Variants in UMAD1 observed in about 807,000 individuals in gnomAD.
The protein encoded by UMAD1 is UBAP1-MVB12-associated (UMA) domain containing 1, also known as UBAP1-MVB12-associated (UMA)-domain containing protein 1.
Under a neutral mutation model 6.1 loss-of-function variants are expected in UMAD1, and 8 were observed. The ratio of observed to expected loss-of-function variants is 1.30; its 90% CI spans 0.76 to 2.35. The LOEUF (loss-of-function observed/expected upper bound fraction) is 2.35. Ranked by LOEUF, UMAD1 falls within the 30% of genes most tolerant of loss-of-function variation. The probability of loss-of-function intolerance (pLI) is 0.00; values close to 1 mark genes in which losing one functional copy is unlikely to be tolerated. For missense variants in UMAD1, 130 were observed against 78.4 expected, an observed-to-expected ratio of 1.66 and a Z score of -2.49; for synonymous variants, 56 against 31.4, an observed-to-expected ratio of 1.78 and a Z score of -2.61.
intron 2 of UMAD1, among the ~76,000 whole-genome samples, chr7:7,794,722 A>T (rs760878262): frequency 6.6e-6 from 1 of 152,200 alleles, no homozygotes; most frequent in East Asian, 1.9e-4. Flanking sequence ...ACCCTAGAAT[A>T]TATTTCCTTG....
At chr7:7,680,148 T>C (rs1428328076) in intron 2 of UMAD1, among the ~76,000 whole-genome samples, 1 of 152,170 alleles carries the variant, frequency 6.6e-6, no homozygotes, top group East Asian at 1.9e-4. Context: ...TGCCCAATGC[T>C]TTCTTCTAGT....
chr7:7,728,847 TGGG>T, intron 2 of UMAD1, among the ~76,000 whole-genome samples: 1 of 152,200 alleles, frequency 6.6e-6, no homozygotes, highest in Non-Finnish European at 1.5e-5. Context: ...ATATTTATAG[TGGG>T]CCTACCGTAT....
chr7:7,717,996 GT>G (rs1459997505), intron 2 of UMAD1, among the ~76,000 whole-genome samples: 1 of 152,170 alleles, frequency 6.6e-6, no homozygotes, highest in Non-Finnish European at 1.5e-5. Flanking sequence ...AGCTTTTAGA[GT>G]TTAGGGAAAT....
At chr7:7,675,761 C>G (rs1031935525) in intron 2 of UMAD1, among the ~76,000 whole-genome samples, 1 of 152,102 alleles carries the variant, frequency 6.6e-6, no homozygotes, top group Non-Finnish European at 1.5e-5. Flanking sequence ...TGAGGAATCA[C>G]TTCCGTCGTA....
intron 1 of UMAD1, among the ~76,000 whole-genome samples, chr7:7,672,251 TC>T (rs1302341004): frequency 6.6e-6 from 1 of 152,186 alleles, no homozygotes; most frequent in Non-Finnish European, 1.5e-5. Flanking sequence ...ATCCTATGTG[TC>T]CTTGCAAGTA....
intron 2 of UMAD1, among the ~76,000 whole-genome samples, chr7:7,683,680 T>C (rs1227058253): frequency 1.3e-5 from 2 of 152,062 alleles, no homozygotes; most frequent in Non-Finnish European, 2.9e-5. Context: ...TGGAGTGCAG[T>C]GGCATGGTCT....
At chr7:7,709,573 G>GT (rs1266485404) in intron 2 of UMAD1, among the ~76,000 whole-genome samples, 1 of 152,260 alleles carries the variant, frequency 6.6e-6, no homozygotes, top group Non-Finnish European at 1.5e-5. Context: ...AATGAGGCTT[G>GT]TGGGATAAGA....
chr7:7,863,840 C>T (rs1448225601), intron 3 of UMAD1, among the ~76,000 whole-genome samples: 1 of 152,176 alleles, frequency 6.6e-6, no homozygotes, highest in African/African-American at 2.4e-5. Flanking sequence ...CAGACTCTCC[C>T]TTTGGCCACT....
chr7:7,697,295 C>G (rs947784149), intron 2 of UMAD1, among the ~76,000 whole-genome samples: 1 of 152,140 alleles, frequency 6.6e-6, no homozygotes, highest in Non-Finnish European at 1.5e-5. Flanking sequence ...TCCCAAATAA[C>G]TGCTTAGTGT....
intron 2 of UMAD1, among the ~76,000 whole-genome samples, chr7:7,720,236 A>G (rs1781014942): frequency 6.6e-6 from 1 of 152,220 alleles, no homozygotes; most frequent in Non-Finnish European, 1.5e-5. Context: ...ATTAAAATAT[A>G]AAAGTCACAA....
chr7:7,735,641 C>T (rs935306727), intron 2 of UMAD1: 6 of 152,270 alleles, frequency 3.9e-5, no homozygotes, highest in Non-Finnish European at 7.3e-5. Context: ...AACTCCTGAC[C>T]TCAGGTGATC....
intron 1 of UMAD1, chr7:7,641,816 C>G (rs1291404730): frequency 6.6e-6 from 1 of 152,084 alleles, no homozygotes; most frequent in Non-Finnish European, 1.5e-5. Context: ...TTCCCTTAAG[C>G]AAAAAAGATC....
chr7:7,826,996 A>G (rs1334468668), intron 3 of UMAD1, among the ~76,000 whole-genome samples: 1 of 152,100 alleles, frequency 6.6e-6, no homozygotes, highest in Non-Finnish European at 1.5e-5. Flanking sequence ...AATGAATTAT[A>G]AGGAATTATA....
intron 2 of UMAD1, among the ~76,000 whole-genome samples, chr7:7,711,884 A>G (rs1358805492): frequency 6.6e-6 from 1 of 152,166 alleles, no homozygotes; most frequent in Non-Finnish European, 1.5e-5. Context: ...TCAGAAAGTC[A>G]TCTTCCTATA....
chr7:7,745,095 A>C (rs989170899), intron 2 of UMAD1, among the ~76,000 whole-genome samples: 15 of 152,228 alleles, frequency 9.9e-5, no homozygotes, highest in African/African-American at 3.6e-4. Flanking sequence ...TAGAGAAAAA[A>C]AGATGTTATT....
chr7:7,804,936 A>G (rs1021041501), intron 3 of UMAD1, among the ~76,000 whole-genome samples: 4 of 152,018 alleles, frequency 2.6e-5, no homozygotes, highest in Non-Finnish European at 4.4e-5. Flanking sequence ...AGCCGAGATC[A>G]CACCACTGCA....
intron 2 of UMAD1, among the ~76,000 whole-genome samples, chr7:7,776,621 T>C (rs532128930): frequency 6.6e-6 from 1 of 152,298 alleles, no homozygotes; most frequent in South Asian, 2.1e-4. Context: ...AAAGACAGCA[T>C]GCCAAAAAAT....
Position 7,846,980 on chromosome 7 carries a change from G to A in UMAD1, c.157-30301G>A, listed in dbSNP as rs571114242. Among the ~76,000 whole-genome samples the A allele has an allele frequency of 3.6e-3, 485 of 134,214 alleles. 2 individuals are homozygous for A. The highest frequency in any genetic ancestry group is 6.3e-3 in the Non-Finnish European group (403 of 64,314). The allele number at this position is 134,214 out of a possible 152,430, so 88.0% of individuals were successfully genotyped here. On this transcript the variant is annotated intron_variant, in intron 3 of 3. Transcript: ENST00000682710. Reference sequence around the variant, plus strand: ...TAGATGACACATTAGTGGGTGCAGCGCACCAGCATGGCACATGTATACATA... The same window carrying A: ...TAGATGACACATTAGTGGGTGCAGCACACCAGCATGGCACATGTATACATA...
intron 2 of UMAD1, among the ~76,000 whole-genome samples, chr7:7,758,442 G>A (rs182248862): frequency 2.0e-5 from 3 of 151,962 alleles, no homozygotes; most frequent in Non-Finnish European, 2.9e-5. Flanking sequence ...TAATAATTAA[G>A]CTTTATAAAA....
Sources: allele counts gnomAD v4.1 joint callset (sites outside exome capture counted in the v4.1 genomes callset), GRCh38; gene constraint gnomAD v4.1.1; transcripts MANE v1.5; gene names NCBI Gene and HGNC (gene_info 2026-07-23, HGNC 2026-07-21).